Variants in ARAP2 observed in about 807,000 individuals in gnomAD.
ARAP2 encodes ArfGAP with RhoGAP domain, ankyrin repeat and PH domain 2.
In ARAP2, 148 loss-of-function variants were observed where a neutral mutation model predicts 194.5. The observed-to-expected ratio is 0.76, with a 90% CI of 0.67 to 0.87. The LOEUF (loss-of-function observed/expected upper bound fraction) is 0.87. Among genes scored for constraint, ARAP2 ranks in the 40% least tolerant of loss-of-function variants. ARAP2 has a pLI of 0.00. For missense variants in ARAP2, 2,128 were observed against 1,989.7 expected (o/e 1.07, Z -1.32); for synonymous variants, 695 against 683.5 (o/e 1.02, Z -0.26).
chr4:36,124,054 A>G (rs909694082), intron 22 of ARAP2, among the ~76,000 whole-genome samples: 2 of 151,896 alleles, frequency 1.3e-5, no homozygotes, highest in Non-Finnish European at 2.9e-5. Context: ...TATTTGTATG[A>G]TGCAATAAGA....
At chr4:36,107,385 C>G (rs1240876921) in intron 27 of ARAP2, among the ~76,000 whole-genome samples, 180 bp downstream of exon 27, 1 of 152,038 alleles carries the variant, frequency 6.6e-6, no homozygotes, top group Non-Finnish European at 1.5e-5. Context: ...CACAGAGCAA[C>G]ACATTGGGAA....
intron 1 of ARAP2, chr4:36,243,605 T>C (rs1007340461): frequency 4.6e-5 from 7 of 152,166 alleles, no homozygotes; most frequent in African/African-American, 1.7e-4. Flanking sequence ...AAAGTAAAAC[T>C]TACTTTATTA....
At chr4:36,040,483 G>GT (rs970327636) in intron 5 of ARAP2, among the ~76,000 whole-genome samples, 13 of 152,238 alleles carry the variant, frequency 8.5e-5, no homozygotes, top group African/African-American at 2.4e-4. Context: ...AGCATAGGAT[G>GT]TTTTTTCCAT....
intron 9 of ARAP2, among the ~76,000 whole-genome samples, chr4:36,170,654 G>A (rs1158404034): frequency 6.6e-6 from 1 of 152,112 alleles, no homozygotes; most frequent in African/African-American, 2.4e-5. Flanking sequence ...ATATAGAGTG[G>A]ACTCTATAAT....
In ARAP2 at chr4:36,067,953, G is replaced by A; in HGVS notation, c.5069C>T (p.Ser1690Leu). 1.2e-6 allele frequency: 2 copies of A among 1,611,924 alleles called. No individual in the cohort carries two copies. Among genetic ancestry groups the A allele is most frequent in the Non-Finnish European group, 1.7e-6 (2 of 1,178,896 alleles). The change falls in exon 33 of 33, where the codon TCA becomes TTA. Residue 1690 changes from serine to leucine, a missense_variant. Transcript: ENST00000303965. ...IEELNVVLQR[S>L]RTLPKELQDE... is the part of the protein sequence containing the mutation. Reference sequence around the variant, plus strand: ...CTGTAATTCTTTTGGAAGGGTTCTTGACCGTTGTAGAACCACATTAAGTTC... The same window carrying A: ...CTGTAATTCTTTTGGAAGGGTTCTTAACCGTTGTAGAACCACATTAAGTTC...
At position 36,228,716 on chromosome 4, in the gene ARAP2, C is replaced by A. The variant is rs542532104; in HGVS notation, c.771G>T (p.Leu257Phe). ...CTAGGATTGGTGATGATGGAACATA[C>A]AAGTCATTTACAATCATTTCTCCTT... is the stretch of plus-strand genomic sequence containing the variant. The part of the protein sequence containing the change: ...KFQGEMIVND[L>F]YVPSSPILAP... The change falls in exon 2 of 33, where the codon TTG (leucine) becomes TTT (phenylalanine). Residue 257 changes from leucine (L) to phenylalanine (F), a missense_variant. Physicochemically the swap from Leu to Phe is conservative, Grantham distance 22. Coordinates refer to ENST00000303965, the MANE Select transcript of ARAP2 (RefSeq NM_015230.4). The A allele has an allele frequency of 3.1e-6, 5 of 1,614,056 alleles. No individual in the cohort carries two copies. In the East Asian group the frequency reaches 1.1e-4, roughly 36 times the overall value.
intron 26 of ARAP2, among the ~76,000 whole-genome samples, chr4:36,109,594 T>G (rs73806459): frequency 0.023 from 3,541 of 152,086 alleles, 140 homozygotes; most frequent in African/African-American, 0.081. Context: ...CCCACAATTT[T>G]TCAATGTTAT....
rs1363188702 is a variant in ARAP2 at position 36,212,588 on chromosome 4, C to T, written c.1042-101G>A. 21 of 697,820 alleles carry T rather than the reference C, an allele frequency of 3.0e-5. No homozygotes were observed. In the Admixed American group the frequency reaches 5.0e-4, roughly 17 times the overall value. 43.2% of individuals were successfully genotyped at this position (697,820 alleles called of 1,614,324 possible). ...AATATTCTACAAAAATCCATAATATCTGAGTTTAGTTTTATTAAATAAGTC... is the reference window on the plus strand; with the variant it reads ...AATATTCTACAAAAATCCATAATATTTGAGTTTAGTTTTATTAAATAAGTC... On this transcript the variant is annotated intron_variant, in intron 4 of 32. Transcript: ENST00000303965.
chr4:36,090,032 G>A (rs1713136298), intron 28 of ARAP2, among the ~76,000 whole-genome samples: 1 of 151,762 alleles, frequency 6.6e-6, no homozygotes, highest in Non-Finnish European at 1.5e-5. Flanking sequence ...TAATAAAGAA[G>A]AGAGAATATT....
chr4:36,117,974 A>G (rs755633548), intron 24 of ARAP2, among the ~76,000 whole-genome samples: 8 of 151,540 alleles, frequency 5.3e-5, no homozygotes, highest in Non-Finnish European at 8.9e-5. Flanking sequence ...AATTAGAAAC[A>G]GTATCACCTG....
chr4:36,113,740 AT>A (rs781538026), intron 26 of ARAP2, among the ~76,000 whole-genome samples: 1 of 152,000 alleles, frequency 6.6e-6, no homozygotes, highest in Non-Finnish European at 1.5e-5. Flanking sequence ...ACAACAAAAT[AT>A]GTGATTCACT....
At chr4:36,041,912 T>A (rs1458896148) in intron 5 of ARAP2, among the ~76,000 whole-genome samples, 3 of 152,084 alleles carry the variant, frequency 2.0e-5, no homozygotes, top group African/African-American at 7.2e-5. Context: ...CTCAGCAAAC[T>A]AACACAGGAA....
chr4:36,125,642 GAGA>G (rs1464063345), intron 21 of ARAP2, among the ~76,000 whole-genome samples: 1 of 151,984 alleles, frequency 6.6e-6, no homozygotes, highest in East Asian at 1.9e-4. Flanking sequence ...AGAGAAGGAT[GAGA>G]AGGACTTACC....
intron 5 of ARAP2, among the ~76,000 whole-genome samples, chr4:36,044,182 G>A (rs1029906573): frequency 1.3e-5 from 2 of 152,020 alleles, no homozygotes; most frequent in Non-Finnish European, 1.5e-5. Context: ...CGATGTCAAA[G>A]GCCACTGAAT....
intron 27 of ARAP2, among the ~76,000 whole-genome samples, chr4:36,102,107 T>C (rs1432531742): frequency 6.6e-6 from 1 of 152,034 alleles, no homozygotes; most frequent in East Asian, 1.9e-4. Flanking sequence ...CATGACTTAG[T>C]ATTCTGCCAA....
chr4:36,156,509 G>GAA (rs1732572921), intron 15 of ARAP2, among the ~76,000 whole-genome samples: 1 of 125,816 alleles, frequency 7.9e-6, no homozygotes, highest in Non-Finnish European at 1.7e-5. Context: ...AAGGAAGGAG[G>GAA]GAGGAAGGAA....
intron 8 of ARAP2, among the ~76,000 whole-genome samples, chr4:36,014,030 C>G (rs563354349): frequency 6.6e-6 from 1 of 151,934 alleles, no homozygotes; most frequent in Admixed American, 6.6e-5. Context: ...AGTTCAAAGC[C>G]AGCCTGGGCA....
intron 13 of ARAP2, chr4:36,160,054 G>A (rs1733554179): frequency 1.0e-6 from 1 of 968,210 alleles, no homozygotes; most frequent in South Asian, 4.8e-5. Flanking sequence ...ATTGACTTAT[G>A]TTATATATCA....
At chr4:36,195,785 C>T (rs1446934656) in intron 6 of ARAP2, among the ~76,000 whole-genome samples, 1 of 152,208 alleles carries the variant, frequency 6.6e-6, no homozygotes, top group Non-Finnish European at 1.5e-5. Context: ...TCAATACCCT[C>T]TACTTTTCCT....
Sources: allele counts gnomAD v4.1 joint callset (sites outside exome capture counted in the v4.1 genomes callset), GRCh38; gene constraint gnomAD v4.1.1; transcripts MANE v1.5; gene names NCBI Gene and HGNC (gene_info 2026-07-23, HGNC 2026-07-21).